Variants in NUMBL observed in about 807,000 individuals in gnomAD.
The protein encoded by NUMBL is NUMB like endocytic adaptor protein, also known as numb-like protein.
In NUMBL, 20 loss-of-function variants were observed where a neutral mutation model predicts 48.9. The ratio of observed to expected loss-of-function variants is 0.41; its 90% CI spans 0.29 to 0.59. The LOEUF (loss-of-function observed/expected upper bound fraction) is 0.59, where lower values mean the gene tolerates loss of function less well. NUMBL is among the 20% of genes least tolerant of loss of function. NUMBL has a pLI of 0.31. For missense variants in NUMBL, 660 were observed against 846.2 expected, an observed-to-expected ratio of 0.78 and a Z score of 2.73; for synonymous variants, 340 against 348.7, an observed-to-expected ratio of 0.98 and a Z score of 0.28.
intron 3 of NUMBL, chr19:40,684,016 A>G (rs1268853661): frequency 5.7e-6 from 1 of 174,076 alleles, no homozygotes; most frequent in Non-Finnish European, 1.2e-5. Context: ...TCCTCCCACC[A>G]CAGCCTCCCA....
Position 40,673,258 on chromosome 19 carries a change from T to C in NUMBL, c.1036+86A>G, listed in dbSNP as rs1685719712. The C allele has an allele frequency of 1.5e-6, 2 of 1,343,040 alleles. No individual in the cohort carries two copies. Among genetic ancestry groups the C allele is most frequent in the Admixed American group, 2.5e-5 (1 of 39,930 alleles). The allele number at this position is 1,343,040 out of a possible 1,614,324, so 83.2% of individuals were successfully genotyped here. On this transcript the variant is annotated intron_variant, in intron 8 of 9. Transcript: ENST00000252891. The surrounding 1 kb of genome is among the most constrained non-coding windows in gnomAD (Gnocchi z 5.9). ...GGCAGACAGTGCAAATCAATCACAG[T>C]GTGAACCATCTCGCCTCCATCCCTT...
intron 3 of NUMBL, chr19:40,683,191 A>G: frequency 1.7e-6 from 1 of 606,054 alleles, no homozygotes; most frequent in East Asian, 2.8e-5. Flanking sequence ...ATTCCAGTCT[A>G]GCTATACCCC....
intron 9 of NUMBL, among the ~76,000 whole-genome samples, chr19:40,669,031 G>C (rs570668219): frequency 1.3e-5 from 2 of 151,940 alleles, no homozygotes; most frequent in South Asian, 2.1e-4. Flanking sequence ...GTTCTGAAAC[G>C]ATCTCTGGGC....
chr19:40,666,139 G>GTTTTTTTTTTTTTTTTTTTTTTTT lies in NUMBL; in HGVS notation c.*1328_*1329insAAAAAAAAAAAAAAAAAAAAAAAA, dbSNP rs767929280. Reference sequence around the variant, plus strand: ...ATTAATATTGAGCTAATTAGAAGTAGTTTTTTTTTTTTTGTTTTTTTTTTT... The same window carrying GTTTTTTTTTTTTTTTTTTTTTTTT: ...ATTAATATTGAGCTAATTAGAAGTAGTTTTTTTTTTTTTTTTTTTTTTTTTTTTTTTTTTTTTGTTTTTTTTTTT... On this transcript the variant is annotated 3_prime_UTR_variant, in exon 10 of 10. Transcript: ENST00000252891. The GTTTTTTTTTTTTTTTTTTTTTTTT allele has an allele frequency of 7.9e-6, 1 of 125,966 alleles. No homozygotes were observed. 7.8% of individuals were successfully genotyped at this position (125,966 alleles called of 1,614,324 possible). A position where few individuals can be genotyped will look rare whatever the true frequency, so the allele number is the denominator to read the frequency against.
At chr19:40,686,314 C>T (rs1292935051) in intron 2 of NUMBL, among the ~76,000 whole-genome samples, 2 of 152,196 alleles carry the variant, frequency 1.3e-5, no homozygotes, top group East Asian at 3.9e-4. Context: ...GCCACCACCC[C>T]TGGCTAATTT....
rs2081856888 is a variant in NUMBL, at chr19:40,673,183, C to G, written c.1036+161G>C. Among the ~76,000 whole-genome samples the G allele has an allele frequency of 6.6e-6, 1 of 152,202 alleles. No homozygotes were observed. The highest frequency in any genetic ancestry group is 2.4e-5 in the African/African-American group (1 of 41,448). On this transcript the variant is annotated intron_variant, in intron 8 of 9. Transcript: ENST00000252891. This position sits in a 1 kb window ranked among gnomAD's most constrained non-coding sequence, Gnocchi z 5.9. The stretch of plus-strand genomic sequence containing the variant: ...TGTGCTATCTCTTTCCTCTCCCTTG[C>G]CCACTGCTAATCGATCATGACATGT...
intron 7 of NUMBL, among the ~76,000 whole-genome samples, chr19:40,676,982 TTTTTGTA>T (rs1444237517): frequency 6.6e-6 from 1 of 152,062 alleles, no homozygotes; most frequent in Non-Finnish European, 1.5e-5. Flanking sequence ...GCCCAGTTAA[TTTTTGTA>T]TTTTAGTAGA....
intron 3 of NUMBL, 44 bp downstream of exon 3, chr19:40,684,373 C>A (rs763116835): frequency 1.3e-6 from 2 of 1,527,100 alleles, no homozygotes; most frequent in Admixed American, 2.0e-5. Context: ...AGCACAGCGG[C>A]CCCCGTCCCC....
chr19:40,686,771 C>T (rs1324499058), intron 2 of NUMBL, 140 bp downstream of exon 2: 9 of 632,492 alleles, frequency 1.4e-5, no homozygotes, highest in Non-Finnish European at 2.5e-5. Context: ...GGGGCTCTGA[C>T]AGTCGCTGAG....
Position 40,687,986 on chromosome 19 carries a change from A to G in NUMBL, c.25-991T>C, listed in dbSNP as rs1393595281. Among the ~76,000 whole-genome samples the G allele has an allele frequency of 6.6e-6, 1 of 152,186 alleles. No homozygotes were observed. The highest frequency in any genetic ancestry group is 1.5e-5 in the Non-Finnish European group (1 of 68,018). ...GGTCACAGCATCAGTCACACAGTCT[A>G]TTGTGACAGCCACACTCATAGGGAC... On this transcript the variant is annotated intron_variant, in intron 1 of 9. Coordinates refer to ENST00000252891, the MANE Select transcript of NUMBL (RefSeq NM_004756.5). The surrounding 1 kb of genome is among the most constrained non-coding windows in gnomAD (Gnocchi z 4.6).
At position 40,687,083 on chromosome 19, in the gene NUMBL, C is replaced by A; in HGVS notation, c.25-88G>T. Reference sequence around the variant, plus strand: ...CACCCCGACTTTGGACTTCGGCCAGCCCCCTCCATCTTGGGCTCCCTGATG... The same window carrying A: ...CACCCCGACTTTGGACTTCGGCCAGACCCCTCCATCTTGGGCTCCCTGATG... On this transcript the variant is annotated intron_variant, in intron 1 of 9. Coordinates refer to ENST00000252891, the MANE Select transcript of NUMBL (RefSeq NM_004756.5). The surrounding 1 kb of genome is among the most constrained non-coding windows in gnomAD (Gnocchi z 4.6). 1.3e-6 allele frequency: 1 copy of A among 764,852 alleles called. No homozygotes were observed. Among genetic ancestry groups the A allele is most frequent in the Non-Finnish European group, 2.0e-6 (1 of 490,542 alleles). The allele number at this position is 764,852 out of a possible 1,614,324, so 47.4% of individuals were successfully genotyped here.
intron 8 of NUMBL, among the ~76,000 whole-genome samples, chr19:40,671,375 T>G (rs992482439): frequency 2.0e-5 from 3 of 151,388 alleles, no homozygotes; most frequent in Non-Finnish European, 4.4e-5. Flanking sequence ...GACATGTGTG[T>G]GGGGGGGTGC....
chr19:40,683,258 G>GT (rs879426033), intron 3 of NUMBL, among the ~76,000 whole-genome samples: 5 of 152,154 alleles, frequency 3.3e-5, no homozygotes, highest in Non-Finnish European at 7.3e-5. Context: ...ATCTCTGTGC[G>GT]TGAGGACTGG....
rs549000406 is a variant in NUMBL at position 40,671,103 on chromosome 19, A to G, written c.1037-1083T>C. ...GCAATCTTCCTGAGTAGCTGGGACT[A>G]CAGGTGCATGCCACTGCACCTGGTT... On this transcript the variant is annotated intron_variant, in intron 8 of 9. Coordinates refer to ENST00000252891, the MANE Select transcript of NUMBL (RefSeq NM_004756.5). 5.9e-5 allele frequency among the ~76,000 whole-genome samples: 9 copies of G among 152,212 alleles called. No homozygotes were observed. In the South Asian group the frequency reaches 1.0e-3, roughly 18 times the overall value.
In NUMBL at chr19:40,673,141, G is replaced by A. The variant is rs2081856625; in HGVS notation, c.1036+203C>T. Among the ~76,000 whole-genome samples, 1 of 152,170 alleles carries A rather than the reference G, an allele frequency of 6.6e-6. No homozygotes were observed. Among genetic ancestry groups the A allele is most frequent in the South Asian group, 2.1e-4 (1 of 4,832 alleles). On this transcript the variant is annotated intron_variant, in intron 8 of 9. Coordinates refer to ENST00000252891, the MANE Select transcript of NUMBL (RefSeq NM_004756.5). This position sits in a 1 kb window ranked among gnomAD's most constrained non-coding sequence, Gnocchi z 5.9. The stretch of plus-strand genomic sequence containing the variant: ...CTATCCCTTACTCAGAGCAGACACG[G>A]CTTATCAATCCTGATTTGTGCTATC...
chr19:40,689,670 G>A (rs2081953081), intron 1 of NUMBL: 1 of 152,370 alleles, frequency 6.6e-6, no homozygotes, highest in Non-Finnish European at 1.5e-5. Context: ...GGAGCCTGAG[G>A]GCCAGGTCCA....
rs767929280 is a variant in NUMBL, at chr19:40,666,139, G to GTTTTTTT, written c.*1322_*1328dup. On this transcript the variant is annotated 3_prime_UTR_variant, in exon 10 of 10. Transcript: ENST00000252891. ...ATTAATATTGAGCTAATTAGAAGTA[G>GTTTTTTT]TTTTTTTTTTTTTGTTTTTTTTTTT... The GTTTTTTT allele has an allele frequency of 3.2e-5, 4 of 125,966 alleles. No homozygotes were observed. The highest frequency in any genetic ancestry group is 1.6e-5 in the Non-Finnish European group (1 of 60,732). The allele number at this position is 125,966 out of a possible 1,614,324, so 7.8% of individuals were successfully genotyped here. A position where few individuals can be genotyped will look rare whatever the true frequency, so the allele number is the denominator to read the frequency against.
At position 40,677,329 on chromosome 19, in the gene NUMBL, G is replaced by C; in HGVS notation, c.633C>G (p.Ala211=). ...RREKECGVTA[A]FDASRTSFAR... ...CGAAGCTGGTGCGGCTGGCATCGAAGGCGGCCGTGACCCCACATTCCTTCT... is the reference window on the plus strand; with the variant it reads ...CGAAGCTGGTGCGGCTGGCATCGAACGCGGCCGTGACCCCACATTCCTTCT... Residue 211 remains alanine, a synonymous_variant, in exon 7 of 10, where the codon GCC becomes GCG. Coordinates refer to ENST00000252891, the MANE Select transcript of NUMBL (RefSeq NM_004756.5). 6.2e-7 allele frequency: 1 copy of C among 1,612,158 alleles called. No individual in the cohort carries two copies. The highest frequency in any genetic ancestry group is 1.3e-5 in the African/African-American group (1 of 75,066).
chr19:40,687,362 C>T lies in NUMBL; in HGVS notation c.25-367G>A, dbSNP rs538901724. Reference sequence around the variant, plus strand: ...CCACAGCTTTACACACTTGGTTACACATAGACGCAATCACAGCTACACACC... The same window carrying T: ...CCACAGCTTTACACACTTGGTTACATATAGACGCAATCACAGCTACACACC... On this transcript the variant is annotated intron_variant, in intron 1 of 9. Coordinates refer to ENST00000252891, the MANE Select transcript of NUMBL (RefSeq NM_004756.5). This position sits in a 1 kb window ranked among gnomAD's most constrained non-coding sequence, Gnocchi z 4.6. Among the ~76,000 whole-genome samples the T allele has an allele frequency of 2.0e-5, 3 of 152,188 alleles. No homozygotes were observed. Among genetic ancestry groups the T allele is most frequent in the Admixed American group, 1.3e-4 (2 of 15,280 alleles).
Sources: gnomAD v4.1 joint callset for allele counts (sites outside exome capture counted in the v4.1 genomes callset) on GRCh38, gnomAD v4.1.1 for gene constraint, Gnocchi (gnomAD v3.1) non-coding constraint, MANE v1.5 for transcripts, NCBI Gene and HGNC (gene_info 2026-07-23, HGNC 2026-07-21) for gene names.